SLC6A13: variants seen among roughly 807,000 people sequenced by gnomAD.
The protein encoded by SLC6A13 is solute carrier family 6 member 13, also known as sodium- and chloride-dependent GABA transporter 2.
Under a neutral mutation model 72.9 loss-of-function variants are expected in SLC6A13, and 69 were observed. The ratio of observed to expected loss-of-function variants is 0.95; its 90% CI spans 0.78 to 1.16. The LOEUF (loss-of-function observed/expected upper bound fraction) is 1.16, where lower values mean the gene tolerates loss of function less well. Ranked by LOEUF, SLC6A13 falls within the 50% of genes most tolerant of loss-of-function variation. The pLI is 0.00. For missense variants in SLC6A13, 735 were observed against 760.5 expected (o/e 0.97, Z 0.39); for synonymous variants, 303 against 303.0 (o/e 1.00, Z 0.00).
At chr12:227,458 G>A in intron 8 of SLC6A13, 107 bp downstream of exon 8, 4 of 1,545,598 alleles carry the variant, frequency 2.6e-6, no homozygotes, top group Middle Eastern at 2.3e-4. Context: ...TAGACAGGGG[G>A]GCAGATCCAG....
In SLC6A13 at chr12:220,947, C is replaced by T; in HGVS notation, c.*1G>A. ...ACAGGCACCATCCAAGGGCCTGCCC[C>T]CTAGCAGTGAGACTCTAGCTCTGTG... On this transcript the variant is annotated 3_prime_UTR_variant, in exon 15 of 15. Coordinates refer to ENST00000343164, the MANE Select transcript of SLC6A13 (RefSeq NM_016615.5). 1.2e-6 allele frequency: 2 copies of T among 1,612,314 alleles called. No homozygotes were observed. The highest frequency in any genetic ancestry group is 1.1e-5 in the South Asian group (1 of 91,022).
rs760801577 is a variant in SLC6A13, at chr12:237,177, C to T, written c.677G>A (p.Gly226Glu). The T allele has an allele frequency of 6.8e-6, 11 of 1,613,972 alleles. No homozygotes were observed. The Admixed American group carries it at 8.3e-5, about 12-fold the overall frequency. The change falls in exon 6 of 15, where the codon GGG (glycine) becomes GAG (glutamate). Residue 226 changes from glycine to glutamate, a missense_variant. Transcript: ENST00000343164. ...ACGAACCTTGCCTGTGGACTTCACC[C>T]CCTTCCAGATGCAGAAGTAGCAGAT... ...WVICYFCIWK[G>E]VKSTGKVVYF...
intron 7 of SLC6A13, among the ~76,000 whole-genome samples, chr12:231,085 A>T (rs1941689172): frequency 6.6e-6 from 1 of 152,150 alleles, no homozygotes; most frequent in Non-Finnish European, 1.5e-5. Flanking sequence ...CGCCCTCAGC[A>T]ACCTCCTAAA....
intron 6 of SLC6A13, 33 bp from the exon 7 acceptor site, chr12:235,257 G>GT: frequency 6.2e-7 from 1 of 1,613,594 alleles, no homozygotes; most frequent in African/African-American, 1.3e-5. Context: ...CAAGGAGCTT[G>GT]TGAGTGAGGA....
chr12:261,494 A>C (rs1008441071), intron 1 of SLC6A13, among the ~76,000 whole-genome samples: 2 of 152,212 alleles, frequency 1.3e-5, no homozygotes, highest in African/African-American at 4.8e-5. Context: ...TTGATTTTGC[A>C]GAGTGGCCTC....
intron 2 of SLC6A13, 38 bp from the exon 3 acceptor site, chr12:243,851 A>G (rs1264802798): frequency 6.2e-7 from 1 of 1,604,016 alleles, no homozygotes; most frequent in East Asian, 2.2e-5. Flanking sequence ...TCCTGGGACT[A>G]TTCTCCTCAT....
At chr12:260,094 A>T in intron 1 of SLC6A13, 37 bp from the exon 2 acceptor site, 1 of 1,590,876 alleles carries the variant, frequency 6.3e-7, no homozygotes, top group South Asian at 1.1e-5. Context: ...ACTGTTGGGA[A>T]CCCCAGAAGG....
rs199736708 is a variant in SLC6A13, at chr12:221,403, G to A, written c.1659C>T (p.Leu553=). The A allele has an allele frequency of 6.5e-5, 105 of 1,609,394 alleles. No homozygotes were observed. In the Admixed American group the frequency reaches 7.5e-4, roughly 11 times the overall value. ...VCIPAWSLYR[L]GTLKGPFRER... Reference sequence around the variant, plus strand: ...CTCTGAAGGGGCCCTTGAGGGTTCCGAGTCTGTAGAGGCTCCAGGCAGGAA... The same window carrying A: ...CTCTGAAGGGGCCCTTGAGGGTTCCAAGTCTGTAGAGGCTCCAGGCAGGAA... Residue 553 remains leucine, a synonymous_variant, in exon 14 of 15, where the codon CTC becomes CTT. Transcript: ENST00000343164.
At chr12:237,346 G>A in intron 5 of SLC6A13, 56 bp from the exon 6 acceptor site, 1 of 1,597,466 alleles carries the variant, frequency 6.3e-7, no homozygotes. Context: ...CAGTTTTGTG[G>A]CCCCGTCCTG....
intron 11 of SLC6A13, chr12:223,628 C>T (rs545330335): frequency 1.8e-5 from 6 of 326,372 alleles, no homozygotes; most frequent in East Asian, 1.8e-4. Context: ...GAATGTCACC[C>T]AGCCCCAGGC....
chr12:240,924 G>A (rs1942142096), intron 4 of SLC6A13, among the ~76,000 whole-genome samples: 1 of 152,216 alleles, frequency 6.6e-6, no homozygotes, highest in African/African-American at 2.4e-5. Flanking sequence ...GTCATGAAGG[G>A]ATGAAGAATA....
At chr12:238,139 T>A in intron 4 of SLC6A13, 129 bp from the exon 5 acceptor site, 1 of 1,548,520 alleles carries the variant, frequency 6.5e-7, no homozygotes, top group Non-Finnish European at 8.7e-7. Flanking sequence ...GCTAAGGTTA[T>A]CTGTACAAAA....
At chr12:233,356 CCTG>C (rs1591833924) in intron 7 of SLC6A13, among the ~76,000 whole-genome samples, 1 of 152,314 alleles carries the variant, frequency 6.6e-6, no homozygotes, top group East Asian at 1.9e-4. Flanking sequence ...AGAGGCAGGG[CCTG>C]CCCATTCCAG....
intron 2 of SLC6A13, chr12:259,643 C>T (rs973281500): frequency 7.0e-6 from 10 of 1,431,432 alleles, no homozygotes; most frequent in Non-Finnish European, 7.3e-6. Context: ...TTCTACGATG[C>T]CACGTTATAA....
intron 7 of SLC6A13, among the ~76,000 whole-genome samples, chr12:234,679 G>C (rs527737265): frequency 6.6e-6 from 1 of 151,854 alleles, no homozygotes; most frequent in Non-Finnish European, 1.5e-5. Flanking sequence ...CACTACACCC[G>C]GCTAATTTTT....
At chr12:226,352 C>G (rs1433457202) in intron 9 of SLC6A13, 38 bp downstream of exon 9, 2 of 1,612,470 alleles carry the variant, frequency 1.2e-6, no homozygotes, top group Admixed American at 3.3e-5. Context: ...AGGTTTGAAC[C>G]AGGCTCACTG....
At chr12:248,692 G>T (rs1380051059) in intron 2 of SLC6A13, among the ~76,000 whole-genome samples, 1 of 152,096 alleles carries the variant, frequency 6.6e-6, no homozygotes, top group African/African-American at 2.4e-5. Flanking sequence ...TGTTAAAAAC[G>T]TTAATAGCCC....
At chr12:222,762 A>G (rs1055826302) in intron 12 of SLC6A13, 130 bp from the exon 13 acceptor site, 1 of 608,614 alleles carries the variant, frequency 1.6e-6, no homozygotes, top group Admixed American at 3.1e-5. Context: ...CTGTCTGTTC[A>G]AGTCGTTGCT....
intron 2 of SLC6A13, among the ~76,000 whole-genome samples, chr12:256,945 G>A (rs951403040): frequency 2.0e-5 from 3 of 152,146 alleles, no homozygotes; most frequent in Non-Finnish European, 4.4e-5. Context: ...TGAGAATGGT[G>A]AGTTCAAATA....
Sources: gnomAD v4.1 joint callset for allele counts (sites outside exome capture counted in the v4.1 genomes callset) on GRCh38, gnomAD v4.1.1 for gene constraint, MANE v1.5 for transcripts, NCBI Gene and HGNC (gene_info 2026-07-23, HGNC 2026-07-21) for gene names.